Variants in ZNF493 observed in about 807,000 individuals in gnomAD.
The protein encoded by ZNF493 is zinc finger protein 493.
Under a neutral mutation model 12.2 loss-of-function variants are expected in ZNF493, and 11 were observed. The ratio of observed to expected loss-of-function variants is 0.90; its 90% CI spans 0.57 to 1.50. The LOEUF (loss-of-function observed/expected upper bound fraction) is 1.50, where lower values mean the gene tolerates loss of function less well. Among genes scored for constraint, ZNF493 ranks in the 40% most tolerant of loss-of-function variants. The probability of loss-of-function intolerance (pLI) is 0.00; values close to 1 mark genes in which losing one functional copy is unlikely to be tolerated. For synonymous variants in ZNF493, 286 were observed against 302.6 expected (o/e 0.95, Z 0.57); for missense variants, 950 against 906.6 (o/e 1.05, Z -0.61).
chr19:21,420,623 ATTTTTTTTT>A (rs1164416201), intron 3 of ZNF493, among the ~76,000 whole-genome samples: 6 of 16,112 alleles, frequency 3.7e-4, no homozygotes, highest in Non-Finnish European at 5.4e-4. Context: ...ATATATATAT[ATTTTTTTTT>A]TTTTTTTTTT....
intron 3 of ZNF493, among the ~76,000 whole-genome samples, chr19:21,409,086 A>G (rs993744844): frequency 6.6e-6 from 1 of 151,552 alleles, no homozygotes; most frequent in Non-Finnish European, 1.5e-5. Context: ...GGGTTTCACC[A>G]TATTAGCCAG....
At chr19:21,397,680 G>A (rs767217441) in intron 1 of ZNF493, 1 of 423,924 alleles carries the variant, frequency 2.4e-6, no homozygotes, top group Non-Finnish European at 4.2e-6. Context: ...GGGCGTCACT[G>A]CAAAAATATT....
At chr19:21,402,388 G>A (rs2029977768) in intron 1 of ZNF493, among the ~76,000 whole-genome samples, 1 of 152,212 alleles carries the variant, frequency 6.6e-6, no homozygotes, top group Non-Finnish European at 1.5e-5. Flanking sequence ...TAATCCTCAA[G>A]CTTGGCCCTG....
Position 21,426,055 on chromosome 19 carries a change from C to G in ZNF493, c.*1071C>G, listed in dbSNP as rs1209255173. ...AATATGGCAAAGGCTTTAACTAGTCCTCAGTTCTTAACACACATACGATAA... is the reference window on the plus strand; with the variant it reads ...AATATGGCAAAGGCTTTAACTAGTCGTCAGTTCTTAACACACATACGATAA... On this transcript the variant is annotated 3_prime_UTR_variant, in exon 4 of 4. Coordinates refer to ENST00000392288, the MANE Select transcript of ZNF493 (RefSeq NM_001076678.3). 1 of 422,240 alleles carries G rather than the reference C, an allele frequency of 2.4e-6. No homozygotes were observed. The highest frequency in any genetic ancestry group is 4.7e-6 in the Non-Finnish European group (1 of 213,660). 26.2% of individuals were successfully genotyped at this position (422,240 alleles called of 1,614,324 possible). A position where few individuals can be genotyped will look rare whatever the true frequency, so the allele number is the denominator to read the frequency against.
intron 3 of ZNF493, among the ~76,000 whole-genome samples, chr19:21,411,406 T>C (rs1274473175): frequency 2.6e-5 from 4 of 152,120 alleles, no homozygotes; most frequent in Non-Finnish European, 5.9e-5. Context: ...TTGCTAGTTA[T>C]AGTTTATAAT....
At position 21,424,807 on chromosome 19, in the gene ZNF493, A is replaced by T. The variant is rs2030808835; in HGVS notation, c.2148A>T (p.Glu716Asp). Residue 716 changes from glutamate to aspartate, a missense_variant, in exon 4 of 4, where the codon GAA becomes GAT. Coordinates refer to ENST00000392288, the MANE Select transcript of ZNF493 (RefSeq NM_001076678.3). ...IHTGEKPCKC[E>D]ECGKAFNHSS... ...CTGGAGAGAAACCTTGCAAATGTGA[A>T]GAATGTGGCAAAGCTTTTAACCATT... 6.2e-7 allele frequency: 1 copy of T among 1,613,536 alleles called. No homozygotes were observed. Among genetic ancestry groups the T allele is most frequent in the South Asian group, 1.1e-5 (1 of 91,064 alleles).
chr19:21,408,760 T>C lies in ZNF493; in HGVS notation c.253+2904T>C, dbSNP rs958379722. The C allele has an allele frequency of 8.1e-6, 8 of 984,586 alleles. No individual in the cohort carries two copies. In the Admixed American group the frequency reaches 1.8e-4, roughly 23 times the overall value. The allele number at this position is 984,586 out of a possible 1,614,324, so 61.0% of individuals were successfully genotyped here. A position where few individuals can be genotyped will look rare whatever the true frequency, so the allele number is the denominator to read the frequency against. On this transcript the variant is annotated intron_variant, in intron 3 of 3. Coordinates refer to ENST00000392288, the MANE Select transcript of ZNF493 (RefSeq NM_001076678.3). ...ATTCTGTCTGTATACTTTATGTCAA[T>C]GTGAGGTTGAATTAAAAGATAGCCA...
Position 21,425,295 on chromosome 19 carries a change from T to G in ZNF493, c.*311T>G, listed in dbSNP as rs1311996281. 2.2e-6 allele frequency: 1 copy of G among 458,532 alleles called. No individual in the cohort carries two copies. The highest frequency in any genetic ancestry group is 4.2e-6 in the Non-Finnish European group (1 of 240,332). The allele number at this position is 458,532 out of a possible 1,614,324, so 28.4% of individuals were successfully genotyped here. On this transcript the variant is annotated 3_prime_UTR_variant, in exon 4 of 4. Coordinates refer to ENST00000392288, the MANE Select transcript of ZNF493 (RefSeq NM_001076678.3). ...CAAATATGAAGAATGTGACAAAGCTTTTAACCACTTCTCAACCCTGCCTAC... is the reference window on the plus strand; with the variant it reads ...CAAATATGAAGAATGTGACAAAGCTGTTAACCACTTCTCAACCCTGCCTAC...
At chr19:21,402,246 C>T (rs1479639243) in intron 1 of ZNF493, among the ~76,000 whole-genome samples, 1 of 151,904 alleles carries the variant, frequency 6.6e-6, no homozygotes, top group Non-Finnish European at 1.5e-5. Flanking sequence ...GGGTTACAGG[C>T]ATGAGCCACC....
rs890700450 is a variant in ZNF493 at position 21,427,358 on chromosome 19, A to G, written c.*2374A>G. The G allele has an allele frequency of 6.4e-6, 1 of 156,866 alleles. No homozygotes were observed. Among genetic ancestry groups the G allele is most frequent in the African/African-American group, 2.4e-5 (1 of 41,458 alleles). The allele number at this position is 156,866 out of a possible 1,614,324, so 9.7% of individuals were successfully genotyped here. A position where few individuals can be genotyped will look rare whatever the true frequency, so the allele number is the denominator to read the frequency against. On this transcript the variant is annotated 3_prime_UTR_variant, in exon 4 of 4. Coordinates refer to ENST00000392288, the MANE Select transcript of ZNF493 (RefSeq NM_001076678.3). ...CAATGTGCAGGTTAGTTACATATGT[A>G]TACATGTGCCATGCTGGTGCGCTGC...
intron 3 of ZNF493, chr19:21,412,907 C>T: frequency 2.3e-6 from 1 of 435,538 alleles, no homozygotes; most frequent in Non-Finnish European, 4.5e-6. Flanking sequence ...TTAGCTCCTA[C>T]AGCAGGCCTT....
In ZNF493 at chr19:21,425,172, G is replaced by A. The variant is rs2030822548; in HGVS notation, c.*188G>A. ...TACTAAATATAAGATAATTCATATT[G>A]GAGAGAAATTCTACAGATGTGAAGA... is the stretch of plus-strand genomic sequence containing the variant. On this transcript the variant is annotated 3_prime_UTR_variant, in exon 4 of 4. Transcript: ENST00000392288. The A allele has an allele frequency of 1.3e-6, 1 of 746,502 alleles. No homozygotes were observed. The highest frequency in any genetic ancestry group is 2.3e-6 in the Non-Finnish European group (1 of 443,228). 46.2% of individuals were successfully genotyped at this position (746,502 alleles called of 1,614,324 possible). A position where few individuals can be genotyped will look rare whatever the true frequency, so the allele number is the denominator to read the frequency against.
At chr19:21,414,265 T>C (rs1470202303) in intron 3 of ZNF493, 1 of 152,220 alleles carries the variant, frequency 6.6e-6, no homozygotes, top group East Asian at 1.9e-4. Flanking sequence ...CAAATAGAGT[T>C]AGGTTCCAAT....
rs2030822424 is a variant in ZNF493, at chr19:21,425,170, T to G, written c.*186T>G. 1.4e-6 allele frequency: 1 copy of G among 735,530 alleles called. No individual in the cohort carries two copies. 45.6% of individuals were successfully genotyped at this position (735,530 alleles called of 1,614,324 possible). ...CTTACTAAATATAAGATAATTCATATTGGAGAGAAATTCTACAGATGTGAA... is the reference window on the plus strand; with the variant it reads ...CTTACTAAATATAAGATAATTCATAGTGGAGAGAAATTCTACAGATGTGAA... On this transcript the variant is annotated 3_prime_UTR_variant, in exon 4 of 4. Coordinates refer to ENST00000392288, the MANE Select transcript of ZNF493 (RefSeq NM_001076678.3).
At chr19:21,410,721 G>T (rs2030299885) in intron 3 of ZNF493, among the ~76,000 whole-genome samples, 1 of 151,814 alleles carries the variant, frequency 6.6e-6, no homozygotes, top group Non-Finnish European at 1.5e-5. Flanking sequence ...AGAAAATGGT[G>T]CCAAGACTCA....
chr19:21,424,259 A>G lies in ZNF493; in HGVS notation c.1600A>G (p.Ile534Val), dbSNP rs778520169. 45 of 1,612,238 alleles carry G rather than the reference A, an allele frequency of 2.8e-5. No individual in the cohort carries two copies. The highest frequency in any genetic ancestry group is 5.0e-5 in the Admixed American group (3 of 59,854). ...KAFKRSSTLT[I>V]HKMIHTGEKP... The stretch of plus-strand genomic sequence containing the variant: ...TTTTAAACGATCTTCAACCCTTACT[A>G]TACATAAAATGATTCACACTGGAGA... Residue 534 changes from isoleucine to valine, a missense_variant, in exon 4 of 4, where the codon ATA (isoleucine) becomes GTA (valine). By Grantham distance (29) the Ile-to-Val change is conservative. Coordinates refer to ENST00000392288, the MANE Select transcript of ZNF493 (RefSeq NM_001076678.3).
intron 3 of ZNF493, among the ~76,000 whole-genome samples, chr19:21,422,637 G>C (rs1273738766): frequency 2.6e-5 from 4 of 151,822 alleles, no homozygotes; most frequent in African/African-American, 4.8e-5. Flanking sequence ...TGGGAAGCAG[G>C]AATAGCCATG....
rs780353313 is a variant in ZNF493 at position 21,423,771 on chromosome 19, A to T, written c.1112A>T (p.His371Leu). ...SSHLTTHKRI[H>L]TGEKPYKCEE... Reference sequence around the variant, plus strand: ...CACCTTACTACACATAAAAGAATTCATACTGGAGAGAAACCCTACAAATGT... The same window carrying T: ...CACCTTACTACACATAAAAGAATTCTTACTGGAGAGAAACCCTACAAATGT... The change falls in exon 4 of 4, where the codon CAT (histidine) becomes CTT (leucine). Residue 371 changes from histidine to leucine, a missense_variant. By Grantham distance (99) the His-to-Leu change is moderately conservative (BLOSUM62 -3). Coordinates refer to ENST00000392288, the MANE Select transcript of ZNF493 (RefSeq NM_001076678.3). 1.2e-6 allele frequency: 2 copies of T among 1,613,328 alleles called. No individual in the cohort carries two copies. Among genetic ancestry groups the T allele is most frequent in the Non-Finnish European group, 1.7e-6 (2 of 1,179,434 alleles).
chr19:21,423,222 G>T lies in ZNF493; in HGVS notation c.563G>T (p.Gly188Val). The part of the protein sequence containing the change: ...GKKPFKCKKC[G>V]KSFCMLLHLC... ...AAACCTTTCAAATGTAAAAAATGTGGCAAATCATTTTGCATGCTTTTACAC... is the reference window on the plus strand; with the variant it reads ...AAACCTTTCAAATGTAAAAAATGTGTCAAATCATTTTGCATGCTTTTACAC... The change falls in exon 4 of 4, where the codon GGC (glycine) becomes GTC (valine). Residue 188 changes from glycine (G) to valine (V), a missense_variant. Transcript: ENST00000392288. 6.2e-7 allele frequency: 1 copy of T among 1,613,740 alleles called. No homozygotes were observed. Among genetic ancestry groups the T allele is most frequent in the Non-Finnish European group, 8.5e-7 (1 of 1,179,842 alleles).
Sources: allele counts gnomAD v4.1 joint callset (sites outside exome capture counted in the v4.1 genomes callset), GRCh38; gene constraint gnomAD v4.1.1; transcripts MANE v1.5; gene names NCBI Gene and HGNC (gene_info 2026-07-23, HGNC 2026-07-21).